Variants in OPCML observed in about 807,000 individuals in gnomAD.
OPCML encodes the protein opioid binding protein/cell adhesion molecule like, also known as opioid-binding protein/cell adhesion molecule.
Under a neutral mutation model 37.8 loss-of-function variants are expected in OPCML, and 13 were observed. That is an observed-to-expected ratio of 0.34 (90% CI 0.22 to 0.55). The LOEUF (loss-of-function observed/expected upper bound fraction) is 0.55. OPCML is among the 20% of genes least tolerant of loss of function. OPCML has a pLI of 0.91. For missense variants in OPCML, 341 were observed against 435.6 expected (o/e 0.78, Z 1.93); for synonymous variants, 176 against 168.8 (o/e 1.04, Z -0.33).
intron 1 of OPCML, among the ~76,000 whole-genome samples, chr11:133,379,844 AC>A (rs373051921): frequency 5.3e-5 from 8 of 152,328 alleles, no homozygotes; most frequent in African/African-American, 1.7e-4. Flanking sequence ...AGCCAGCTTA[AC>A]TTTGTTTAAC....
intron 1 of OPCML, among the ~76,000 whole-genome samples, chr11:133,506,768 T>A (rs1948041098): frequency 6.6e-6 from 1 of 152,146 alleles, no homozygotes; most frequent in Non-Finnish European, 1.5e-5. Context: ...CCAGACAGAA[T>A]GGTTACTGTT....
At chr11:133,457,571 GT>G (rs1396569703) in intron 1 of OPCML, among the ~76,000 whole-genome samples, 2 of 151,296 alleles carry the variant, frequency 1.3e-5, no homozygotes, top group Non-Finnish European at 2.9e-5. Flanking sequence ...ATGTTTTTAT[GT>G]TTTTTAATGT....
chr11:133,198,729 G>T (rs979532457), intron 1 of OPCML, among the ~76,000 whole-genome samples: 2 of 152,206 alleles, frequency 1.3e-5, no homozygotes, highest in African/African-American at 4.8e-5. Context: ...CATAGCCACA[G>T]CTACTGGGAG....
intron 1 of OPCML, among the ~76,000 whole-genome samples, chr11:133,427,700 GA>G (rs1274193169): frequency 7.6e-4 from 114 of 149,468 alleles, no homozygotes; most frequent in African/African-American, 2.1e-3. Context: ...CAATTTATTG[GA>G]AAAAAAAACT....
chr11:133,130,575 A>G (rs1949588453), intron 1 of OPCML, among the ~76,000 whole-genome samples: 1 of 152,158 alleles, frequency 6.6e-6, no homozygotes, highest in Non-Finnish European at 1.5e-5. Context: ...TTAAAACATT[A>G]CTATGATGAC....
intron 2 of OPCML, among the ~76,000 whole-genome samples, chr11:132,889,609 C>T (rs1943565908): frequency 6.6e-6 from 1 of 152,238 alleles, no homozygotes; most frequent in South Asian, 2.1e-4. Flanking sequence ...AGATGTCTCC[C>T]TCTTACAGCC....
intron 4 of OPCML, among the ~76,000 whole-genome samples, chr11:132,464,099 AC>A (rs1402750715): frequency 1.3e-5 from 2 of 152,002 alleles, no homozygotes; most frequent in African/African-American, 4.8e-5. Flanking sequence ...AACTCCTGCC[AC>A]CCCTCCCTTT....
intron 1 of OPCML, among the ~76,000 whole-genome samples, chr11:133,430,656 G>A (rs1013125777): frequency 4.6e-5 from 7 of 152,202 alleles, no homozygotes; most frequent in African/African-American, 1.2e-4. Flanking sequence ...CAATACTACC[G>A]TCCAATGCAT....
intron 1 of OPCML, among the ~76,000 whole-genome samples, chr11:133,480,503 C>T (rs1194355586): frequency 6.6e-6 from 1 of 152,188 alleles, no homozygotes; most frequent in Non-Finnish European, 1.5e-5. Context: ...ACTTAAGAGC[C>T]ACAGTGTCTG....
intron 1 of OPCML, among the ~76,000 whole-genome samples, chr11:133,240,260 C>G (rs1478472854): frequency 6.6e-6 from 1 of 151,574 alleles, no homozygotes; most frequent in Non-Finnish European, 1.5e-5. Context: ...AACAGACTTC[C>G]CTGCCATCTG....
intron 1 of OPCML, among the ~76,000 whole-genome samples, chr11:133,496,268 T>G (rs187263987): frequency 1.5e-4 from 23 of 152,344 alleles, no homozygotes. Flanking sequence ...TGTGCCTATT[T>G]TTATACCAGT....
chr11:132,854,168 C>G (rs917351637), intron 2 of OPCML, among the ~76,000 whole-genome samples: 3 of 152,046 alleles, frequency 2.0e-5, no homozygotes, highest in Admixed American at 2.0e-4. Flanking sequence ...TTACTATTAC[C>G]GATTTAATAC....
intron 2 of OPCML, among the ~76,000 whole-genome samples, chr11:132,702,245 G>C (rs1943855039): frequency 6.6e-6 from 1 of 152,112 alleles, no homozygotes; most frequent in Admixed American, 6.5e-5. Flanking sequence ...TGTAAGGCAG[G>C]TCTAGTGGTG....
At chr11:133,140,716 A>G in intron 1 of OPCML, among the ~76,000 whole-genome samples, 1 of 22,792 alleles carries the variant, frequency 4.4e-5, no homozygotes, top group Non-Finnish European at 1.4e-4. Flanking sequence ...ACGGAAGACG[A>G]AGACGGAAGA....
At chr11:132,877,377 T>C (rs1264819202) in intron 2 of OPCML, among the ~76,000 whole-genome samples, 2 of 152,148 alleles carry the variant, frequency 1.3e-5, no homozygotes, top group Admixed American at 6.5e-5. Flanking sequence ...CAAATCATGG[T>C]ATCAATAAAC....
chr11:132,942,647 G>A (rs1945619501), intron 2 of OPCML, among the ~76,000 whole-genome samples: 1 of 152,170 alleles, frequency 6.6e-6, no homozygotes, highest in Non-Finnish European at 1.5e-5. Context: ...GCCCAAGCAG[G>A]AGAGAATCTA....
rs547014730 is a variant in OPCML, at chr11:132,988,028, A to G, written c.62-45018T>C. Among the ~76,000 whole-genome samples, 6 of 152,390 alleles carry G rather than the reference A, an allele frequency of 3.9e-5. No individual in the cohort carries two copies. In the East Asian group the frequency reaches 1.2e-3, roughly 29 times the overall value. On this transcript the variant is annotated intron_variant, in intron 1 of 7. Transcript: ENST00000524381. ...ATGTGCTGTTAGTTATGACTCAACA[A>G]GAAAGAAAATGCAGAATTTGCTTTC... is the stretch of plus-strand genomic sequence containing the variant.
Position 132,420,437 on chromosome 11 carries a change from T to C in OPCML, c.917-144A>G, listed in dbSNP as rs1411099575. 5 of 1,410,380 alleles carry C rather than the reference T, an allele frequency of 3.5e-6. No individual in the cohort carries two copies. The East Asian group carries it at 1.1e-4, about 30-fold the overall frequency. The allele number at this position is 1,410,380 out of a possible 1,614,324, so 87.4% of individuals were successfully genotyped here. ...AAGTCTAAACAAAGGAAAAAGCCCA[T>C]TGGGAGTATTTAGGAACTCAAAGGG... On this transcript the variant is annotated intron_variant, in intron 7 of 7. Coordinates refer to ENST00000524381, the MANE Select transcript of OPCML (RefSeq NM_001012393.5).
At chr11:132,950,084 C>T (rs113533228) in intron 1 of OPCML, among the ~76,000 whole-genome samples, 126 of 152,300 alleles carry the variant, frequency 8.3e-4, no homozygotes, top group Middle Eastern at 3.4e-3. Flanking sequence ...GGTGCAGCCG[C>T]GCTGGGCCTT....
Sources: allele counts gnomAD v4.1 joint callset (sites outside exome capture counted in the v4.1 genomes callset), GRCh38; gene constraint gnomAD v4.1.1; transcripts MANE v1.5; gene names NCBI Gene and HGNC (gene_info 2026-07-23, HGNC 2026-07-21).